Variants in ZZZ3 observed in about 807,000 individuals in gnomAD.
ZZZ3 encodes the protein zinc finger ZZ-type containing 3.
A neutral mutation model predicts 95.2 loss-of-function variants in ZZZ3; 22 were observed. That is an observed-to-expected ratio of 0.23 (90% CI 0.17 to 0.33). The LOEUF is 0.33. ZZZ3 is among the 10% of genes least tolerant of loss of function. The pLI is 1.00. For synonymous variants in ZZZ3, 335 were observed against 358.9 expected, an observed-to-expected ratio of 0.93 and a Z score of 0.75; for missense variants, 885 against 1,066.5, an observed-to-expected ratio of 0.83 and a Z score of 2.37.
At position 77,565,778 on chromosome 1, in the gene ZZZ3, A is replaced by C. The variant is rs368654043; in HGVS notation, c.2574T>G (p.His858Gln). The change falls in exon 15 of 15, where the codon CAT (histidine) becomes CAG (glutamine). Residue 858 changes from histidine (H) to glutamine (Q), a missense_variant. Around this residue, in one of 5 missense-constraint regions of ZZZ3, gnomAD observed 221 missense variants for 247.8 expected, o/e 0.89. Coordinates refer to ENST00000370801, the MANE Select transcript of ZZZ3 (RefSeq NM_015534.6). ...GATCTTCCTTGTGAATATCTGTTTC[A>C]TGTAGACTGTAAAGAAAAAAAGACA... ...DFCDSCSDCL[H>Q]ETDIHKEDHQ... The C allele has an allele frequency of 4.3e-6, 7 of 1,611,996 alleles. No individual in the cohort carries two copies. Among genetic ancestry groups the C allele is most frequent in the Non-Finnish European group, 4.2e-6 (5 of 1,179,084 alleles).
At chr1:77,681,769 G>A (rs1296514377) in intron 1 of ZZZ3, among the ~76,000 whole-genome samples, 1 of 152,038 alleles carries the variant, frequency 6.6e-6, no homozygotes, top group Non-Finnish European at 1.5e-5. Flanking sequence ...AAGCGCGACT[G>A]TAATCCCAGC....
At chr1:77,655,836 A>C (rs1670225974) in intron 1 of ZZZ3, among the ~76,000 whole-genome samples, 1 of 152,226 alleles carries the variant, frequency 6.6e-6, no homozygotes, top group Non-Finnish European at 1.5e-5. Flanking sequence ...AGAAGAAATG[A>C]GATGAGAAGG....
At chr1:77,678,030 A>C (rs972040495) in intron 1 of ZZZ3, among the ~76,000 whole-genome samples, 32 of 152,286 alleles carry the variant, frequency 2.1e-4, no homozygotes, top group Non-Finnish European at 2.9e-4. Flanking sequence ...GAGACAGAGG[A>C]GGCCAGCAAT....
chr1:77,601,145 C>G (rs1664691517), intron 5 of ZZZ3, among the ~76,000 whole-genome samples: 1 of 152,090 alleles, frequency 6.6e-6, no homozygotes, highest in African/African-American at 2.4e-5. Context: ...AATTTGAGAG[C>G]TTTGTAAGAT....
chr1:77,624,049 T>C (rs1452212290), intron 5 of ZZZ3, among the ~76,000 whole-genome samples: 1 of 152,210 alleles, frequency 6.6e-6, no homozygotes, highest in Admixed American at 6.6e-5. Flanking sequence ...CTTACTAATA[T>C]GTAAAAATAC....
At chr1:77,615,254 T>A (rs1056816106) in intron 5 of ZZZ3, among the ~76,000 whole-genome samples, 4 of 152,228 alleles carry the variant, frequency 2.6e-5, no homozygotes, top group Admixed American at 6.5e-5. Context: ...AAGAAGGTTA[T>A]CAATAACAGT....
intron 1 of ZZZ3, among the ~76,000 whole-genome samples, chr1:77,657,807 A>G (rs1483725408): frequency 6.6e-6 from 1 of 152,216 alleles, no homozygotes; most frequent in Admixed American, 6.5e-5. Context: ...ATGGACAATT[A>G]TACAAAATAC....
chr1:77,603,084 C>CT lies in ZZZ3; in HGVS notation c.1506-18430dup, dbSNP rs985891062. 5.8e-3 allele frequency among the ~76,000 whole-genome samples: 848 copies of CT among 146,594 alleles called. 7 individuals are homozygous for CT. The highest frequency in any genetic ancestry group is 0.018 in the African/African-American group (717 of 40,226). On this transcript the variant is annotated intron_variant, in intron 5 of 14. Coordinates refer to ENST00000370801, the MANE Select transcript of ZZZ3 (RefSeq NM_015534.6). ...ACCTATTTCTTTAAGAACCTGTCAA[C>CT]TTTTTTTTTTTAAACAGAGTCTTGC...
At chr1:77,583,735 A>G (rs1662770630) in intron 6 of ZZZ3, among the ~76,000 whole-genome samples, 1 of 152,198 alleles carries the variant, frequency 6.6e-6, no homozygotes, top group Non-Finnish European at 1.5e-5. Flanking sequence ...TTCTTTTTTA[A>G]GAAGAGGATT....
At chr1:77,579,701 A>G in intron 9 of ZZZ3, 73 bp from the exon 10 acceptor site, 1 of 880,512 alleles carries the variant, frequency 1.1e-6, no homozygotes, top group Admixed American at 2.6e-5. Flanking sequence ...AAATAAATAC[A>G]TTCACATTTC....
chr1:77,617,088 T>G (rs1291922028), intron 5 of ZZZ3, among the ~76,000 whole-genome samples: 1 of 151,838 alleles, frequency 6.6e-6, no homozygotes, highest in Non-Finnish European at 1.5e-5. Context: ...GTGCATACCC[T>G]GGTATGCACT....
chr1:77,647,044 C>T (rs755082184), intron 1 of ZZZ3, among the ~76,000 whole-genome samples: 12 of 151,982 alleles, frequency 7.9e-5, no homozygotes, highest in Non-Finnish European at 1.3e-4. Context: ...CAAGGGTATG[C>T]CAGAAAACAT....
At chr1:77,574,886 T>A (rs1380120096) in intron 12 of ZZZ3, among the ~76,000 whole-genome samples, 1 of 152,198 alleles carries the variant, frequency 6.6e-6, no homozygotes. Flanking sequence ...AACTCATTAT[T>A]TTAAAAACCA....
intron 5 of ZZZ3, among the ~76,000 whole-genome samples, chr1:77,611,448 C>G (rs182582888): frequency 6.6e-6 from 1 of 151,992 alleles, no homozygotes; most frequent in East Asian, 1.9e-4. Flanking sequence ...TATCAAAATT[C>G]CAATGTCATT....
intron 1 of ZZZ3, among the ~76,000 whole-genome samples, chr1:77,659,605 T>G (rs1289572214): frequency 6.8e-6 from 1 of 147,372 alleles, no homozygotes; most frequent in Non-Finnish European, 1.5e-5. Flanking sequence ...ATCACTTGAA[T>G]CCGGGAGGTG....
chr1:77,648,176 G>A (rs1669467016), intron 1 of ZZZ3, among the ~76,000 whole-genome samples: 1 of 151,654 alleles, frequency 6.6e-6, no homozygotes, highest in South Asian at 2.1e-4. Flanking sequence ...TGAGCAACAT[G>A]GCAAGACCCC....
At chr1:77,597,433 T>C (rs983114779) in intron 5 of ZZZ3, among the ~76,000 whole-genome samples, 7 of 152,102 alleles carry the variant, frequency 4.6e-5, no homozygotes, top group East Asian at 3.9e-4. Flanking sequence ...GGCCTGTGCA[T>C]AGTGACTTCC....
At chr1:77,661,681 A>T (rs1291338359) in intron 1 of ZZZ3, among the ~76,000 whole-genome samples, 1 of 152,180 alleles carries the variant, frequency 6.6e-6, no homozygotes, top group East Asian at 1.9e-4. Context: ...AATAATTATC[A>T]TTCCATATCA....
intron 5 of ZZZ3, among the ~76,000 whole-genome samples, chr1:77,628,426 T>G (rs1415416423): frequency 6.6e-6 from 1 of 152,114 alleles, no homozygotes; most frequent in African/African-American, 2.4e-5. Flanking sequence ...AAAATAAATA[T>G]ATAAAAGCAC....
Sources: gnomAD v4.1 joint callset for allele counts (sites outside exome capture counted in the v4.1 genomes callset) on GRCh38, gnomAD v4.1.1 for gene constraint, gnomAD v4.1.1 regional missense constraint, MANE v1.5 for transcripts, NCBI Gene and HGNC (gene_info 2026-07-23, HGNC 2026-07-21) for gene names.